DYNC2LI1: variants seen among roughly 807,000 people sequenced by gnomAD.
DYNC2LI1 encodes cytoplasmic dynein 2 light intermediate chain 1.
In DYNC2LI1, 45 loss-of-function variants were observed where a neutral mutation model predicts 51.9. The observed-to-expected ratio is 0.87, with a 90% CI of 0.68 to 1.11. The LOEUF is 1.11. Among genes scored for constraint, DYNC2LI1 ranks in the 50% most tolerant of loss-of-function variants. The pLI is 0.00. For synonymous variants in DYNC2LI1, 130 were observed against 137.8 expected (o/e 0.94, Z 0.40); for missense variants, 490 against 417.4 (o/e 1.17, Z -1.51).
At chr2:43,797,779 A>G (rs1558689290) in intron 8 of DYNC2LI1, among the ~76,000 whole-genome samples, 1 of 151,970 alleles carries the variant, frequency 6.6e-6, no homozygotes, top group Non-Finnish European at 1.5e-5. Context: ...CGGCCTCCCA[A>G]ACTGCTGGGA....
chr2:43,805,175 A>G lies in DYNC2LI1; in HGVS notation c.922A>G (p.Ile308Val). The change falls in exon 12 of 13, where the codon ATC (isoleucine) becomes GTC (valine). Residue 308 changes from isoleucine to valine, a missense_variant. Physicochemically the swap from Ile to Val is conservative, Grantham distance 29 (BLOSUM62 3). Transcript: ENST00000260605. The part of the protein sequence containing the change: ...PPKSINTLKD[I>V]KDPARDPQYA... The stretch of plus-strand genomic sequence containing the variant: ...TCAGAGTATTAACACGCTGAAAGAT[A>G]TCAAGGACCCTGCGAGAGATCCTCA... 1 of 1,612,044 alleles carries G rather than the reference A, an allele frequency of 6.2e-7. No individual in the cohort carries two copies. The highest frequency in any genetic ancestry group is 8.5e-7 in the Non-Finnish European group (1 of 1,178,472).
At chr2:43,819,123 T>A in the DYNC2LI1 span, among the ~76,000 whole-genome samples, 1 of 152,198 alleles carries the variant, frequency 6.6e-6, no homozygotes, top group Non-Finnish European at 1.5e-5. Flanking sequence ...GCTTTTGCTT[T>A]TTGACTTGAT....
intron 9 of DYNC2LI1, 118 bp downstream of exon 9, chr2:43,801,035 G>A (rs2104708219): frequency 2.5e-6 from 1 of 401,694 alleles, no homozygotes; most frequent in East Asian, 4.0e-5. Context: ...GACCCAGATG[G>A]CTTTTCTTAA....
chr2:43,776,004 C>G (rs1673001902), intron 1 of DYNC2LI1, among the ~76,000 whole-genome samples: 1 of 151,576 alleles, frequency 6.6e-6, no homozygotes. Flanking sequence ...CACTCCCAGC[C>G]TCAGCCAATT....
At chr2:43,828,019 G>C in the DYNC2LI1 span, 129 of 1,613,980 alleles carry the variant, frequency 8.0e-5, 1 homozygote, top group Non-Finnish European at 1.0e-4. Context: ...ATGGAGACCC[G>C]GCGCCGCTCA....
At chr2:43,819,608 G>A in the DYNC2LI1 span, among the ~76,000 whole-genome samples, 1 of 151,972 alleles carries the variant, frequency 6.6e-6, no homozygotes, top group African/African-American at 2.4e-5. Context: ...CTATCATGTG[G>A]GCTGTGAGTT....
chr2:43,827,901 C>T, the DYNC2LI1 span: 47 of 1,588,038 alleles, frequency 3.0e-5, no homozygotes, highest in Middle Eastern at 8.3e-4. Flanking sequence ...AAATGAGGAC[C>T]GTGAAGAAAG....
At chr2:43,775,998 C>G (rs1468695668) in intron 1 of DYNC2LI1, among the ~76,000 whole-genome samples, 2 of 151,542 alleles carry the variant, frequency 1.3e-5, no homozygotes, top group Non-Finnish European at 2.9e-5. Context: ...AACCACCACT[C>G]CCAGCCTCAG....
At position 43,809,844 on chromosome 2, in the gene DYNC2LI1, G is replaced by T; in HGVS notation, c.*77G>T. 6.6e-7 allele frequency: 1 copy of T among 1,516,914 alleles called. No individual in the cohort carries two copies. Among genetic ancestry groups the T allele is most frequent in the Non-Finnish European group, 8.8e-7 (1 of 1,134,646 alleles). 94.0% of individuals were successfully genotyped at this position (1,516,914 alleles called of 1,614,324 possible). A position where few individuals can be genotyped will look rare whatever the true frequency, so the allele number is the denominator to read the frequency against. ...ATTATACTGTGAATTAACTATTGTG[G>T]CAATATGTGAAGAAAGTTAAACTGT... On this transcript the variant is annotated 3_prime_UTR_variant, in exon 13 of 13. Transcript: ENST00000260605.
chr2:43,801,750 G>T (rs775122839), intron 10 of DYNC2LI1, 41 bp downstream of exon 10: 2 of 1,484,316 alleles, frequency 1.3e-6, no homozygotes, highest in South Asian at 1.2e-5. Flanking sequence ...TTTTTTAATT[G>T]CTTATTGATT....
chr2:43,776,550 A>G (rs888649604), intron 1 of DYNC2LI1, among the ~76,000 whole-genome samples: 6 of 152,218 alleles, frequency 3.9e-5, no homozygotes, highest in Non-Finnish European at 1.5e-5. Flanking sequence ...CCTGGCAATA[A>G]AGGCTCTGCT....
chr2:43,777,461 A>G (rs536119250), intron 2 of DYNC2LI1, among the ~76,000 whole-genome samples: 22 of 152,336 alleles, frequency 1.4e-4, no homozygotes, highest in Non-Finnish European at 2.9e-5. Flanking sequence ...GAACATATGC[A>G]TCATATCTTC....
intron 6 of DYNC2LI1, chr2:43,795,087 T>C: frequency 1.2e-5 from 12 of 1,008,860 alleles, no homozygotes; most frequent in Non-Finnish European, 1.4e-5. Flanking sequence ...ATTCAGTATC[T>C]TTTTATCATC....
At chr2:43,805,085 A>G (rs1024849381) in intron 11 of DYNC2LI1, 69 bp from the exon 12 acceptor site, 19 of 995,766 alleles carry the variant, frequency 1.9e-5, no homozygotes, top group Admixed American at 8.1e-5. Flanking sequence ...AGCTTGGTTT[A>G]TTAGGCAGAT....
chr2:43,828,156 T>G, the DYNC2LI1 span: 1 of 1,612,906 alleles, frequency 6.2e-7, no homozygotes, highest in East Asian at 2.2e-5. Flanking sequence ...GGAGTCTCTG[T>G]GGCTGCTATT....
chr2:43,782,688 A>G (rs1673346770), intron 2 of DYNC2LI1, among the ~76,000 whole-genome samples: 1 of 152,196 alleles, frequency 6.6e-6, no homozygotes, highest in African/African-American at 2.4e-5. Flanking sequence ...TTACTCCTAA[A>G]AAGAAACTTG....
chr2:43,827,948 G>C, the DYNC2LI1 span: 6 of 1,612,752 alleles, frequency 3.7e-6, no homozygotes, highest in Non-Finnish European at 4.2e-6. Context: ...AAGATGCCCA[G>C]ACAGCAGCTA....
At position 43,800,882 on chromosome 2, in the gene DYNC2LI1, A is replaced by C. The variant is rs1450114876; in HGVS notation, c.696A>C (p.Gly232=). 1.2e-6 allele frequency: 2 copies of C among 1,605,198 alleles called. No homozygotes were observed. The highest frequency in any genetic ancestry group is 2.7e-5 in the African/African-American group (2 of 74,626). ...AAGCTCTATTACTAAAAATACGTGG[A>C]GTTATCAACCAGTTGGCATTTGGCA... ...KSEALLLKIR[G]VINQLAFGID... Residue 232 remains glycine (G), a synonymous_variant, in exon 9 of 13, where the codon GGA becomes GGC. Transcript: ENST00000260605.
rs772202929 is a variant in DYNC2LI1 at position 43,789,721 on chromosome 2, G to C, written c.320G>C (p.Arg107Pro). The change falls in exon 5 of 13, where the codon CGG becomes CCG. Residue 107 changes from arginine to proline, a missense_variant and splice_region_variant. Physicochemically the swap from Arg to Pro is moderately radical, Grantham distance 103 (BLOSUM62 -2). Transcript: ENST00000260605. Reference sequence around the variant, plus strand: ...ATACCCATCACAGGTGACACCTTACGGTAAGTGAGCCAGCTCCAGGAAAAC... The same window carrying C: ...ATACCCATCACAGGTGACACCTTACCGTAAGTGAGCCAGCTCCAGGAAAAC... ...ISIPITGDTLRTFSLVLVLDL... is the reference protein window; with the variant it reads ...ISIPITGDTLPTFSLVLVLDL... 1.2e-6 allele frequency: 2 copies of C among 1,612,390 alleles called. No individual in the cohort carries two copies. Among genetic ancestry groups the C allele is most frequent in the African/African-American group, 1.3e-5 (1 of 74,802 alleles).
Sources: gnomAD v4.1 joint callset for allele counts (sites outside exome capture counted in the v4.1 genomes callset) on GRCh38, gnomAD v4.1.1 for gene constraint, MANE v1.5 for transcripts, NCBI Gene and HGNC (gene_info 2026-07-23, HGNC 2026-07-21) for gene names.